P2RY8: variants seen among roughly 807,000 people sequenced by gnomAD.
P2RY8 encodes P2Y receptor family member 8.
P2RY8 carries 6 observed loss-of-function variants against 10.0 expected under a neutral mutation model. That is an observed-to-expected ratio of 0.60 (90% CI 0.33 to 1.19). P2RY8 has a LOEUF of 1.19. Among genes scored for constraint, P2RY8 ranks in the 50% most tolerant of loss-of-function variants. The pLI is 0.04. For missense variants in P2RY8, 456 were observed against 542.0 expected (o/e 0.84, Z 1.58); for synonymous variants, 276 against 252.5 (o/e 1.09, Z -0.88).
At position 1,492,605 on chromosome X, in the gene P2RY8, GC is replaced by G. The variant is rs2092064326; in HGVS notation, c.-24-26024del. Among the ~76,000 whole-genome samples the G allele has an allele frequency of 3.9e-5, 6 of 152,236 alleles. No individual in the cohort carries two copies. The South Asian group carries it at 1.2e-3, about 32-fold the overall frequency. On this transcript the variant is annotated intron_variant, in intron 1 of 1. Transcript: ENST00000381297. ...GCTCCTGGATCCAGCCATGCCTGAAGCCCCCATAGAAATCCTAATTATCCAA... is the reference window on the plus strand; with the variant it reads ...GCTCCTGGATCCAGCCATGCCTGAAGCCCCATAGAAATCCTAATTATCCAA...
rs149398380 is a variant in P2RY8 at position 1,466,383 on chromosome X, A to G, written c.176T>C (p.Val59Ala). 819 of 1,613,662 alleles carry G rather than the reference A, an allele frequency of 5.1e-4. 3 individuals are homozygous for G. Among genetic ancestry groups the G allele is most frequent in the Non-Finnish European group, 2.2e-4 (264 of 1,179,844 alleles). Residue 59 changes from valine to alanine, a missense_variant, in exon 2 of 2, where the codon GTC becomes GCC. Transcript: ENST00000381297. ...CRRMGPRSPS[V>A]IFMINLSVTD... ...GACGCTCAGGTTGATCATGAAGATGACCGACGGGGATCTGGGCCCCATGCG... is the reference window on the plus strand; with the variant it reads ...GACGCTCAGGTTGATCATGAAGATGGCCGACGGGGATCTGGGCCCCATGCG...
chrX:1,494,439 C>G (rs1300984002), intron 1 of P2RY8: 1 of 152,106 alleles, frequency 6.6e-6, no homozygotes, highest in Non-Finnish European at 1.5e-5. Flanking sequence ...GAAAAGCTTC[C>G]TCTTTTTGGC....
At chrX:1,493,559 A>G (rs748061189) in intron 1 of P2RY8, among the ~76,000 whole-genome samples, 2 of 152,294 alleles carry the variant, frequency 1.3e-5, no homozygotes, top group Non-Finnish European at 2.9e-5. Context: ...AACTATTTTT[A>G]TTAGCGAAAA....
At chrX:1,536,738 G>T (rs1274192687) in intron 1 of P2RY8, among the ~76,000 whole-genome samples, 183 bp downstream of exon 1, 3 of 152,158 alleles carry the variant, frequency 2.0e-5, no homozygotes, top group Non-Finnish European at 4.4e-5. Context: ...TGACGAAGCG[G>T]CTGTGCAAAG....
Position 1,466,580 on chromosome X carries a change from G to T in P2RY8, c.-22C>A, listed in dbSNP as rs773717098. The T allele has an allele frequency of 1.3e-6, 2 of 1,591,328 alleles. No individual in the cohort carries two copies. Among genetic ancestry groups the T allele is most frequent in the Non-Finnish European group, 8.5e-7 (1 of 1,172,284 alleles). ...GCATCCTGGAGGGGTCCTCGCCCGG[G>T]CTCTGCAAGGGAAGGAGGGAAGGGT... On this transcript the variant is annotated splice_region_variant and 5_prime_UTR_variant, in exon 2 of 2. Coordinates refer to ENST00000381297, the MANE Select transcript of P2RY8 (RefSeq NM_178129.5).
intron 1 of P2RY8, among the ~76,000 whole-genome samples, chrX:1,499,960 G>A (rs1351593084): frequency 6.2e-5 from 9 of 145,716 alleles, no homozygotes; most frequent in Middle Eastern, 6.9e-3. Flanking sequence ...CCGGGTTCCC[G>A]CCATTCTCCT....
intron 1 of P2RY8, among the ~76,000 whole-genome samples, chrX:1,484,724 T>TAAAAAAAAAAAAAAAA (rs1171758279): frequency 1.8e-4 from 3 of 16,786 alleles, no homozygotes; most frequent in East Asian, 4.1e-3. Flanking sequence ...CAAAACCCTG[T>TAAAAAAAAAAAAAAAA]AAAAAAAAAA....
intron 1 of P2RY8, among the ~76,000 whole-genome samples, chrX:1,509,609 T>C (rs1489849522): frequency 6.9e-6 from 1 of 145,602 alleles, no homozygotes; most frequent in Non-Finnish European, 1.5e-5. Flanking sequence ...GTATCTATTA[T>C]GTATCTATCA....
intron 1 of P2RY8, among the ~76,000 whole-genome samples, chrX:1,480,397 T>C (rs2091921344): frequency 3.0e-5 from 1 of 33,512 alleles, no homozygotes; most frequent in Admixed American, 2.6e-4. Context: ...TCCCGGGTTT[T>C]TTTTTTTTTG....
intron 1 of P2RY8, among the ~76,000 whole-genome samples, chrX:1,532,527 T>C (rs754722928): frequency 6.6e-6 from 1 of 150,900 alleles, no homozygotes; most frequent in Non-Finnish European, 1.5e-5. Context: ...ATGATGTGTA[T>C]ATATATATAC....
At chrX:1,486,093 C>G (rs1461802953) in intron 1 of P2RY8, among the ~76,000 whole-genome samples, 1 of 152,172 alleles carries the variant, frequency 6.6e-6, no homozygotes. Flanking sequence ...TGGCAGGCAC[C>G]TGTCATCCCA....
Position 1,465,386 on chromosome X carries a change from C to G in P2RY8, c.*93G>C. The G allele has an allele frequency of 6.6e-7, 1 of 1,506,056 alleles. No homozygotes were observed. The highest frequency in any genetic ancestry group is 1.3e-5 in the South Asian group (1 of 75,466). The allele number at this position is 1,506,056 out of a possible 1,614,324, so 93.3% of individuals were successfully genotyped here. On this transcript the variant is annotated 3_prime_UTR_variant, in exon 2 of 2. Transcript: ENST00000381297. ...TCTGCAGTGCCTGGGAGCAACGCAGCTGTTCTCCCTGAACCTCTGGCACCG... is the reference window on the plus strand; with the variant it reads ...TCTGCAGTGCCTGGGAGCAACGCAGGTGTTCTCCCTGAACCTCTGGCACCG...
intron 1 of P2RY8, among the ~76,000 whole-genome samples, chrX:1,467,393 C>T (rs2091701227): frequency 6.6e-6 from 1 of 152,160 alleles, no homozygotes; most frequent in Non-Finnish European, 1.5e-5. Context: ...GAGAAGTTTT[C>T]TGACCCGCCG....
In P2RY8 at chrX:1,466,055, G is replaced by A. The variant is rs1307041757; in HGVS notation, c.504C>T (p.His168=). 4.3e-6 allele frequency: 7 copies of A among 1,611,674 alleles called. No homozygotes were observed. The Admixed American group carries it at 5.0e-5, about 12-fold the overall frequency. The change falls in exon 2 of 2, where the codon CAC becomes CAT. Residue 168 remains histidine (H), a synonymous_variant. Coordinates refer to ENST00000381297, the MANE Select transcript of P2RY8 (RefSeq NM_178129.5). The part of the protein sequence containing the change: ...LARTDLTYPV[H]ALGIITCFDV... ...CGAAGCAGGTGATGATGCCCAGGGC[G>A]TGCACCGGGTAGGTGAGATCGGTGC...
At chrX:1,522,676 T>C (rs2092401481) in intron 1 of P2RY8, among the ~76,000 whole-genome samples, 1 of 148,918 alleles carries the variant, frequency 6.7e-6, no homozygotes, top group Non-Finnish European at 1.5e-5. Flanking sequence ...GAGGCTGAGG[T>C]GGAAGGATTG....
chrX:1,469,147 C>CCCTCTCTCCTCTCCTTT (rs2091747585), intron 1 of P2RY8, among the ~76,000 whole-genome samples: 1 of 92,236 alleles, frequency 1.1e-5, no homozygotes, highest in Non-Finnish European at 2.2e-5. Context: ...TCCTCTCCTT[C>CCCTCTCTCCTCTCCTTT]CCTCTCTCCT....
chrX:1,533,830 T>G (rs1465376547), intron 1 of P2RY8, among the ~76,000 whole-genome samples: 2 of 120,030 alleles, frequency 1.7e-5, no homozygotes, highest in Admixed American at 1.9e-4. Context: ...ATATATTATA[T>G]ACTTATATTT....
chrX:1,512,461 C>T (rs758233717), intron 1 of P2RY8, among the ~76,000 whole-genome samples: 22 of 146,962 alleles, frequency 1.5e-4, no homozygotes, highest in East Asian at 1.0e-3. Context: ...GCAGGAGAAT[C>T]GCTTGAACCT....
At chrX:1,481,541 A>AG (rs1465941549) in intron 1 of P2RY8, among the ~76,000 whole-genome samples, 1 of 151,760 alleles carries the variant, frequency 6.6e-6, no homozygotes, top group Non-Finnish European at 1.5e-5. Context: ...TTTGGGTTTA[A>AG]GGAGCCCAGC....
Sources: gnomAD v4.1 joint callset for allele counts (sites outside exome capture counted in the v4.1 genomes callset) on GRCh38, gnomAD v4.1.1 for gene constraint, MANE v1.5 for transcripts, NCBI Gene and HGNC (gene_info 2026-07-23, HGNC 2026-07-21) for gene names.